LARP4: variants seen among roughly 807,000 people sequenced by gnomAD.
The protein encoded by LARP4 is La ribonucleoprotein 4.
In LARP4, 29 loss-of-function variants were observed where a neutral mutation model predicts 92.9. The ratio of observed to expected loss-of-function variants is 0.31; its 90% confidence interval spans 0.23 to 0.43. LARP4 has a LOEUF of 0.43. Ranked by LOEUF, LARP4 falls within the 20% of genes least tolerant of loss-of-function variation. LARP4 has a pLI of 1.00. For missense variants in LARP4, 732 were observed against 860.0 expected, an observed-to-expected ratio of 0.85 and a Z score of 1.86; for synonymous variants, 279 against 284.1, an observed-to-expected ratio of 0.98 and a Z score of 0.18.
At position 50,429,123 on chromosome 12, in the gene LARP4, A is replaced by G. The variant is rs762987070; in HGVS notation, c.322+33A>G. ...TTATGGTTTTATTGTTAAAATGAGA[A>G]TTCAGTACAGGACACCCCCCACCCA... On this transcript the variant is annotated intron_variant, in intron 3 of 15. Transcript: ENST00000398473. The G allele has an allele frequency of 7.2e-6, 11 of 1,538,140 alleles. No individual in the cohort carries two copies. The African/African-American group carries it at 1.5e-4, about 21-fold the overall frequency.
chr12:50,432,910 G>T (rs576234542), intron 4 of LARP4, among the ~76,000 whole-genome samples: 1 of 149,766 alleles, frequency 6.7e-6, no homozygotes, highest in South Asian at 2.1e-4. Flanking sequence ...GGGGAGACTT[G>T]CGTTTGCCGC....
intron 1 of LARP4, among the ~76,000 whole-genome samples, chr12:50,408,916 G>A (rs914403982): frequency 1.3e-5 from 2 of 152,106 alleles, no homozygotes; most frequent in Non-Finnish European, 2.9e-5. Context: ...GCTGAGGTGG[G>A]AGGATTACTT....
At chr12:50,424,519 C>T (rs1446233329) in intron 1 of LARP4, among the ~76,000 whole-genome samples, 2 of 151,928 alleles carry the variant, frequency 1.3e-5, no homozygotes, top group Admixed American at 6.6e-5. Flanking sequence ...CCACCACGCC[C>T]AGCTGATTTT....
At chr12:50,464,752 G>A (rs1350422342) in intron 12 of LARP4, among the ~76,000 whole-genome samples, 1 of 150,156 alleles carries the variant, frequency 6.7e-6, no homozygotes, top group Non-Finnish European at 1.5e-5. Flanking sequence ...GTGCAGTGGC[G>A]TGATCTCGGC....
At chr12:50,432,860 C>CAAAAA (rs10660517) in intron 4 of LARP4, among the ~76,000 whole-genome samples, 8 of 124,450 alleles carry the variant, frequency 6.4e-5, no homozygotes, top group Non-Finnish European at 1.3e-4. Flanking sequence ...GACTTCGTTT[C>CAAAAA]AAAAAAAAAA....
At chr12:50,418,307 G>A (rs150581911) in intron 1 of LARP4, among the ~76,000 whole-genome samples, 6 of 152,178 alleles carry the variant, frequency 3.9e-5, no homozygotes, top group African/African-American at 1.4e-4. Flanking sequence ...TGGCCTAGGC[G>A]TTATGTTCTT....
chr12:50,434,886 AT>A (rs1426840932), intron 4 of LARP4, among the ~76,000 whole-genome samples: 1 of 152,106 alleles, frequency 6.6e-6, no homozygotes, highest in Non-Finnish European at 1.5e-5. Context: ...GTACTAAAAA[AT>A]ACAAAAAAAA....
chr12:50,450,014 ACCTCCG>A (rs1565664522), intron 8 of LARP4, among the ~76,000 whole-genome samples: 1 of 133,144 alleles, frequency 7.5e-6, no homozygotes, highest in East Asian at 2.3e-4. Context: ...GCTCACTGCA[ACCTCCG>A]CCTCCTGGGT....
chr12:50,448,112 G>A (rs1952526151), intron 8 of LARP4, among the ~76,000 whole-genome samples: 1 of 152,040 alleles, frequency 6.6e-6, no homozygotes. Flanking sequence ...TGATCCACGC[G>A]CCTCGGCCTT....
intron 1 of LARP4, among the ~76,000 whole-genome samples, chr12:50,418,840 T>C (rs552263055): frequency 1.3e-4 from 20 of 152,212 alleles, no homozygotes; most frequent in Admixed American, 6.6e-5. Flanking sequence ...AGCCTTAGCC[T>C]CCCAGGTAAC....
rs142453388 is a variant in LARP4, at chr12:50,436,232, G to A, written c.535+608G>A. Among the ~76,000 whole-genome samples the A allele has an allele frequency of 1.1e-3, 172 of 150,826 alleles. 2 individuals are homozygous for A. Among genetic ancestry groups the A allele is most frequent in the African/African-American group, 4.0e-3 (163 of 41,044 alleles). On this transcript the variant is annotated intron_variant, in intron 5 of 15. Coordinates refer to ENST00000398473, the MANE Select transcript of LARP4 (RefSeq NM_052879.5). ...CTGGTGTGTGGGGGTGTGTGTGTGTGTATATGTGTGTATGTATATATATAT... is the reference window on the plus strand; with the variant it reads ...CTGGTGTGTGGGGGTGTGTGTGTGTATATATGTGTGTATGTATATATATAT...
intron 13 of LARP4, among the ~76,000 whole-genome samples, chr12:50,470,349 A>T (rs755425889): frequency 2.0e-5 from 3 of 152,226 alleles, no homozygotes; most frequent in Admixed American, 2.0e-4. Flanking sequence ...TGGTACATAA[A>T]ATAATGGTGT....
chr12:50,452,151 C>T (rs1199119065), intron 8 of LARP4, among the ~76,000 whole-genome samples: 1 of 152,136 alleles, frequency 6.6e-6, no homozygotes, highest in Non-Finnish European at 1.5e-5. Context: ...AGTGCAGATA[C>T]CCTTCAGCAT....
At chr12:50,453,761 G>A in intron 9 of LARP4, 89 bp downstream of exon 9, 1 of 801,168 alleles carries the variant, frequency 1.2e-6, no homozygotes, top group Non-Finnish European at 2.0e-6. Flanking sequence ...GCTCATTTAT[G>A]TTGACATTGA....
intron 1 of LARP4, among the ~76,000 whole-genome samples, chr12:50,426,688 TGTGTG>T (rs1948780765): frequency 1.1e-5 from 1 of 92,164 alleles, no homozygotes; most frequent in African/African-American, 8.0e-5. Flanking sequence ...GTTTGGGGTG[TGTGTG>T]TGTGTGTGTG....
intron 9 of LARP4, among the ~76,000 whole-genome samples, chr12:50,453,908 C>T (rs1006328485): frequency 6.6e-6 from 1 of 152,118 alleles, no homozygotes; most frequent in Admixed American, 6.6e-5. Flanking sequence ...GCTAGGATTA[C>T]AAGCCACTAT....
chr12:50,404,123 A>G (rs1592690486), intron 1 of LARP4, among the ~76,000 whole-genome samples: 1 of 152,262 alleles, frequency 6.6e-6, no homozygotes, highest in East Asian at 1.9e-4. Context: ...GCTACTCGGG[A>G]GGCTAAGGTA....
rs751414819 is a variant in LARP4 at position 50,417,378 on chromosome 12, AAAAAAAAAG to A, written c.19-10370_19-10362del. ...TGACAGAGCAAAACTCTGTCTCAAA[AAAAAAAAAG>A]AAAAAAAAGAAAATTGCTACTTATA... On this transcript the variant is annotated intron_variant, in intron 1 of 15. Coordinates refer to ENST00000398473, the MANE Select transcript of LARP4 (RefSeq NM_052879.5). 9.2e-5 allele frequency among the ~76,000 whole-genome samples: 14 copies of A among 152,168 alleles called. 1 individual carries two copies. The South Asian group carries it at 1.0e-3, about 11-fold the overall frequency.
At chr12:50,461,455 T>A in intron 11 of LARP4, 108 bp downstream of exon 11, 1 of 1,075,702 alleles carries the variant, frequency 9.3e-7, no homozygotes. Context: ...TATTGGTATA[T>A]GGTTATATTA....
Sources: allele counts gnomAD v4.1 joint callset (sites outside exome capture counted in the v4.1 genomes callset), GRCh38; gene constraint gnomAD v4.1.1; transcripts MANE v1.5; gene names NCBI Gene and HGNC (gene_info 2026-07-23, HGNC 2026-07-21).